The following CA10 variants were observed in gnomAD, a reference collection of about 807,000 sequenced individuals.
CA10 encodes carbonic anhydrase-related protein 10.
A neutral mutation model predicts 44.2 loss-of-function variants in CA10; 14 were observed. The ratio of observed to expected loss-of-function variants is 0.32; its 90% CI spans 0.21 to 0.50. The LOEUF (loss-of-function observed/expected upper bound fraction) is 0.50, where lower values mean the gene tolerates loss of function less well. CA10 is among the 20% of genes least tolerant of loss of function. The probability of loss-of-function intolerance (pLI) is 0.99; values close to 1 mark genes in which losing one functional copy is unlikely to be tolerated. For missense variants in CA10, 350 were observed against 409.7 expected, an observed-to-expected ratio of 0.85 and a Z score of 1.26; for synonymous variants, 159 against 141.6, an observed-to-expected ratio of 1.12 and a Z score of -0.87.
chr17:52,154,615 C>CT (rs1439895315), intron 1 of CA10, among the ~76,000 whole-genome samples: 1 of 152,172 alleles, frequency 6.6e-6, no homozygotes, highest in Non-Finnish European at 1.5e-5. Context: ...TTCTCTCTCT[C>CT]TCCCTCTCTC....
intron 2 of CA10, among the ~76,000 whole-genome samples, chr17:52,059,880 T>C (rs910545828): frequency 6.6e-6 from 1 of 152,148 alleles, no homozygotes; most frequent in African/African-American, 2.4e-5. Context: ...AGCAAAACAA[T>C]TGATGTCATA....
intron 4 of CA10, among the ~76,000 whole-genome samples, chr17:51,742,723 C>A (rs974795792): frequency 6.6e-6 from 1 of 152,152 alleles, no homozygotes; most frequent in African/African-American, 2.4e-5. Flanking sequence ...TGAAACACAT[C>A]CTATCTATAT....
intron 2 of CA10, among the ~76,000 whole-genome samples, chr17:51,959,282 C>CTCTGTGTG (rs748461115): frequency 0.015 from 2,015 of 134,316 alleles, 19 homozygotes; most frequent in South Asian, 0.037. Flanking sequence ...CTCTCTCTCT[C>CTCTGTGTG]TGTGTGTGTG....
chr17:51,706,654 A>T (rs1212062690), intron 4 of CA10, among the ~76,000 whole-genome samples: 1 of 152,172 alleles, frequency 6.6e-6, no homozygotes, highest in African/African-American at 2.4e-5. Context: ...AAGATGTCTG[A>T]TGGCCCCATC....
At chr17:51,822,924 T>C (rs1006973547) in intron 3 of CA10, among the ~76,000 whole-genome samples, 3 of 152,162 alleles carry the variant, frequency 2.0e-5, no homozygotes, top group Non-Finnish European at 4.4e-5. Context: ...CCAGAATCCT[T>C]CTACAATGGC....
At chr17:51,930,903 C>T in intron 3 of CA10, 87 bp downstream of exon 3, 1 of 1,498,832 alleles carries the variant, frequency 6.7e-7, no homozygotes, top group Admixed American at 1.8e-5. Flanking sequence ...ACAAACTCAT[C>T]ACAGAGACTG....
chr17:51,783,087 C>G (rs1191566542), intron 3 of CA10, among the ~76,000 whole-genome samples: 2 of 152,204 alleles, frequency 1.3e-5, no homozygotes, highest in African/African-American at 4.8e-5. Context: ...AATCACCCAG[C>G]TGACTGTTGT....
intron 2 of CA10, among the ~76,000 whole-genome samples, chr17:52,069,083 C>G (rs914485424): frequency 6.6e-6 from 1 of 152,156 alleles, no homozygotes; most frequent in Non-Finnish European, 1.5e-5. Flanking sequence ...CTCTTAAGGC[C>G]TTCAACTCAT....
intron 6 of CA10, among the ~76,000 whole-genome samples, chr17:51,644,800 C>CTTTTTT (rs148441183): frequency 8.3e-6 from 1 of 121,130 alleles, no homozygotes; most frequent in Non-Finnish European, 1.7e-5. Context: ...CATTTCTTGG[C>CTTTTTT]TTTTTTTTTT....
chr17:51,880,437 A>T (rs1207943465), intron 3 of CA10, among the ~76,000 whole-genome samples: 5 of 151,836 alleles, frequency 3.3e-5, no homozygotes, highest in African/African-American at 1.2e-4. Context: ...TAACAAGTAG[A>T]TGGGACGGCA....
intron 2 of CA10, among the ~76,000 whole-genome samples, chr17:51,939,540 T>A (rs941594156): frequency 6.6e-6 from 1 of 152,144 alleles, no homozygotes; most frequent in Admixed American, 6.6e-5. Context: ...CTATCGGCAA[T>A]GTGTGATGCA....
At chr17:51,702,879 T>C (rs1915646415) in intron 4 of CA10, among the ~76,000 whole-genome samples, 1 of 152,216 alleles carries the variant, frequency 6.6e-6, no homozygotes, top group Admixed American at 6.5e-5. Flanking sequence ...CTTGGAGTAG[T>C]AGCAGCCAGG....
At chr17:51,898,901 C>T (rs1981190442) in intron 3 of CA10, among the ~76,000 whole-genome samples, 1 of 151,308 alleles carries the variant, frequency 6.6e-6, no homozygotes, top group Admixed American at 6.6e-5. Flanking sequence ...GGTAACGTCC[C>T]CTTTGCCATT....
chr17:51,905,946 C>T (rs1358462792), intron 3 of CA10, among the ~76,000 whole-genome samples: 1 of 152,132 alleles, frequency 6.6e-6, no homozygotes, highest in African/African-American at 2.4e-5. Flanking sequence ...CTCTGTCCCT[C>T]CAGTTATGGG....
intron 2 of CA10, among the ~76,000 whole-genome samples, chr17:52,008,389 C>T (rs531463484): frequency 6.6e-6 from 1 of 151,730 alleles, no homozygotes; most frequent in South Asian, 2.1e-4. Context: ...GAGAAGATAA[C>T]GTATTAGACA....
At chr17:51,912,203 A>G (rs1293038481) in intron 3 of CA10, among the ~76,000 whole-genome samples, 1 of 152,208 alleles carries the variant, frequency 6.6e-6, no homozygotes, top group Non-Finnish European at 1.5e-5. Flanking sequence ...CTCTACTGAC[A>G]TAATTTCAAG....
chr17:51,728,713 C>T (rs988169708), intron 4 of CA10, among the ~76,000 whole-genome samples: 2 of 152,176 alleles, frequency 1.3e-5, no homozygotes, highest in Non-Finnish European at 2.9e-5. Flanking sequence ...CTGCCAGGTT[C>T]CTTCTCTGTG....
intron 4 of CA10, among the ~76,000 whole-genome samples, chr17:51,742,659 A>G (rs541781730): frequency 6.6e-6 from 1 of 152,014 alleles, no homozygotes; most frequent in Admixed American, 6.5e-5. Context: ...GAGAGAGAGA[A>G]AGCAAGAGAG....
At chr17:52,124,944 C>A (rs1056599745) in intron 1 of CA10, among the ~76,000 whole-genome samples, 22 of 152,164 alleles carry the variant, frequency 1.4e-4, no homozygotes, top group African/African-American at 5.1e-4. Context: ...TTGCTTACAT[C>A]TTCAGTGTTT....
Sources: allele counts gnomAD v4.1 joint callset (sites outside exome capture counted in the v4.1 genomes callset), GRCh38; gene constraint gnomAD v4.1.1; transcripts MANE v1.5; gene names NCBI Gene and HGNC (gene_info 2026-07-23, HGNC 2026-07-21).